Variants in TPM1 observed in about 807,000 individuals in gnomAD.
TPM1 encodes the protein tropomyosin 1.
In TPM1, 24 loss-of-function variants were observed where a neutral mutation model predicts 42.9. The ratio of observed to expected loss-of-function variants is 0.56; its 90% CI spans 0.41 to 0.79. The LOEUF is 0.79. Ranked by LOEUF, TPM1 falls within the 30% of genes least tolerant of loss-of-function variation. The pLI is 0.00. For synonymous variants in TPM1, 136 were observed against 130.1 expected, an observed-to-expected ratio of 1.05 and a Z score of -0.31; for missense variants, 158 against 351.8, an observed-to-expected ratio of 0.45 and a Z score of 4.41.
chr15:63,062,848 C>A, intron 8 of TPM1: 1 of 1,527,060 alleles, frequency 6.5e-7, no homozygotes, highest in Non-Finnish European at 8.8e-7. Context: ...AGTTAGCCAC[C>A]AGCCATAGTG....
chr15:63,049,432 C>G (rs2033359323), intron 2 of TPM1: 1 of 152,204 alleles, frequency 6.6e-6, no homozygotes, highest in Non-Finnish European at 1.5e-5. Context: ...TGCGGGCTTC[C>G]CCTCCCCCTT....
chr15:63,053,649 C>G (rs1025333741), intron 2 of TPM1, among the ~76,000 whole-genome samples: 7 of 149,814 alleles, frequency 4.7e-5, no homozygotes, highest in Admixed American at 3.3e-4. Flanking sequence ...ATCAGAATCT[C>G]TAGGGACACG....
chr15:63,062,978 T>C, intron 8 of TPM1: 1 of 1,387,952 alleles, frequency 7.2e-7, no homozygotes, highest in Non-Finnish European at 9.3e-7. Context: ...TTAGTGTTAC[T>C]TCCTAATTAA....
At chr15:63,065,788 T>C (rs190478794) in intron 9 of TPM1, 108 bp from the exon 10 acceptor site, 321 of 1,421,180 alleles carry the variant, frequency 2.3e-4, no homozygotes, top group Non-Finnish European at 2.1e-4. Context: ...TGACTGCTTC[T>C]TGTCTGTGTT....
chr15:63,059,252 C>G (rs78809927), intron 3 of TPM1, among the ~76,000 whole-genome samples: 2 of 152,114 alleles, frequency 1.3e-5, no homozygotes, highest in African/African-American at 4.8e-5. Flanking sequence ...TTGGCTTTTC[C>G]GGTTTCATAC....
chr15:63,061,825 T>C (rs2035679022), intron 6 of TPM1, 37 bp downstream of exon 6: 4 of 1,591,038 alleles, frequency 2.5e-6, no homozygotes, highest in Non-Finnish European at 3.5e-6. Flanking sequence ...AAGGCATCTT[T>C]TAAGAGCTGC....
intron 2 of TPM1, chr15:63,045,706 T>C (rs2032251573): frequency 6.6e-6 from 1 of 152,226 alleles, no homozygotes; most frequent in African/African-American, 2.4e-5. Flanking sequence ...ATTGTAACTA[T>C]GTAGTGCTAA....
chr15:63,060,086 C>T (rs2035409299), intron 4 of TPM1: 1 of 240,822 alleles, frequency 4.2e-6, no homozygotes, highest in Non-Finnish European at 8.3e-6. Context: ...GACAGTTTCT[C>T]AGTGGATTCA....
chr15:63,049,545 T>C (rs1460439847), intron 2 of TPM1, among the ~76,000 whole-genome samples: 1 of 151,942 alleles, frequency 6.6e-6, no homozygotes, highest in Admixed American at 6.5e-5. Flanking sequence ...ATTTGTCGAT[T>C]TTGTGTGTGT....
chr15:63,043,080 C>A, intron 1 of TPM1, 137 bp downstream of exon 1: 1 of 745,734 alleles, frequency 1.3e-6, no homozygotes, highest in Non-Finnish European at 2.3e-6. Context: ...CCAGGGCGCG[C>A]GTCTGGAAAG....
chr15:63,052,042 C>G (rs1239266886), intron 2 of TPM1, among the ~76,000 whole-genome samples: 2 of 152,024 alleles, frequency 1.3e-5, no homozygotes, highest in African/African-American at 2.4e-5. Context: ...TAAGGCACCT[C>G]AAGTACAGAG....
intron 2 of TPM1, chr15:63,048,739 C>T (rs1325289355): frequency 5.9e-6 from 9 of 1,527,064 alleles, no homozygotes; most frequent in Non-Finnish European, 7.9e-6. Flanking sequence ...CCGCAGCCCC[C>T]AGAGGCGCAT....
downstream of TPM1, among the ~76,000 whole-genome samples, chr15:63,068,877 G>A (rs56329980): frequency 0.012 from 1,825 of 152,224 alleles, 39 homozygotes; most frequent in African/African-American, 0.042. Flanking sequence ...GGCTGGGCGC[G>A]GTGGCTCATG....
chr15:63,058,171 G>T (rs371603163), intron 3 of TPM1, among the ~76,000 whole-genome samples: 3 of 152,150 alleles, frequency 2.0e-5, no homozygotes, highest in Non-Finnish European at 4.4e-5. Context: ...TACAGTGTAC[G>T]CATAAGAGCA....
chr15:63,065,555 AG>A (rs1226237700), intron 9 of TPM1: 1 of 985,054 alleles, frequency 1.0e-6, no homozygotes, highest in African/African-American at 1.7e-5. Flanking sequence ...TCTGTCTCTA[AG>A]GTCTTTTTCA....
chr15:63,050,091 G>C (rs749391472), intron 2 of TPM1, among the ~76,000 whole-genome samples: 4 of 152,204 alleles, frequency 2.6e-5, no homozygotes, highest in Non-Finnish European at 4.4e-5. Context: ...CTACCTGTCG[G>C]TTAAAGGAGT....
chr15:63,070,050 T>C (rs1477921656), downstream of TPM1: 1 of 1,570,836 alleles, frequency 6.4e-7, no homozygotes, highest in Non-Finnish European at 8.6e-7. Flanking sequence ...AGTTGCTTTC[T>C]GCAGAAATGC....
intron 2 of TPM1, chr15:63,047,734 TATC>T (rs1433608386): frequency 2.0e-5 from 3 of 152,492 alleles, no homozygotes; most frequent in African/African-American, 7.2e-5. Context: ...TAATCGTAGC[TATC>T]ATTTGAGTTT....
At chr15:63,054,902 T>G (rs745850456) in intron 2 of TPM1, among the ~76,000 whole-genome samples, 7 of 152,098 alleles carry the variant, frequency 4.6e-5, no homozygotes, top group Admixed American at 2.6e-4. Context: ...GCTTCCGCTT[T>G]GAGTCTCCCC....
Sources: allele counts gnomAD v4.1 joint callset (sites outside exome capture counted in the v4.1 genomes callset), GRCh38; gene constraint gnomAD v4.1.1; transcripts MANE v1.5; gene names NCBI Gene and HGNC (gene_info 2026-07-23, HGNC 2026-07-21).